Variants in VRK2 observed in about 807,000 individuals in gnomAD.
The protein encoded by VRK2 is serine/threonine-protein kinase VRK2.
A neutral mutation model predicts 57.6 loss-of-function variants in VRK2; 60 were observed. The ratio of observed to expected loss-of-function variants is 1.04; its 90% CI spans 0.85 to 1.29. The LOEUF is 1.29. Among genes scored for constraint, VRK2 ranks in the 50% most tolerant of loss-of-function variants. VRK2 has a pLI of 0.00. For synonymous variants in VRK2, 231 were observed against 199.2 expected (o/e 1.16, Z -1.35); for missense variants, 705 against 588.1 (o/e 1.20, Z -2.06).
chr2:57,955,700 T>G (rs1343028671), intron 1 of VRK2, among the ~76,000 whole-genome samples: 1 of 152,152 alleles, frequency 6.6e-6, no homozygotes, highest in East Asian at 1.9e-4. Flanking sequence ...ACCACACACA[T>G]TTACCTACAG....
At chr2:58,068,820 A>T (rs1158459807) in intron 2 of VRK2, among the ~76,000 whole-genome samples, 1 of 151,172 alleles carries the variant, frequency 6.6e-6, no homozygotes, top group Non-Finnish European at 1.5e-5. Context: ...GGAAAAAAAA[A>T]AAAAAAAAAC....
chr2:57,947,953 G>T (rs899923194), intron 1 of VRK2, among the ~76,000 whole-genome samples: 8 of 151,974 alleles, frequency 5.3e-5, no homozygotes, highest in Non-Finnish European at 8.8e-5. Context: ...AATAAGCATT[G>T]CTGAGCCTCT....
At chr2:57,913,395 C>T (rs1034056396) in intron 1 of VRK2, among the ~76,000 whole-genome samples, 1 of 152,110 alleles carries the variant, frequency 6.6e-6, no homozygotes, top group Non-Finnish European at 1.5e-5. Flanking sequence ...AAGTAGTTTT[C>T]CAAATATTTC....
At chr2:57,946,050 T>C (rs1002283857) in intron 1 of VRK2, among the ~76,000 whole-genome samples, 1 of 152,252 alleles carries the variant, frequency 6.6e-6, no homozygotes. Context: ...GCGAGTATTA[T>C]CTATATATTT....
intron 5 of VRK2, 121 bp downstream of exon 5, chr2:58,086,547 T>C: frequency 1.3e-6 from 1 of 774,534 alleles, no homozygotes. Flanking sequence ...CAAACTTGTA[T>C]TGTCTTAGTT....
At chr2:57,947,893 G>C (rs936571477) in intron 1 of VRK2, among the ~76,000 whole-genome samples, 5 of 151,940 alleles carry the variant, frequency 3.3e-5, no homozygotes, top group African/African-American at 1.2e-4. Flanking sequence ...TCTCTTCAGC[G>C]ATTTCTCCAC....
chr2:58,062,231 C>T (rs558884988), intron 2 of VRK2, among the ~76,000 whole-genome samples: 23 of 152,076 alleles, frequency 1.5e-4, no homozygotes, highest in East Asian at 7.7e-4. Flanking sequence ...CCATACAAGA[C>T]GGTGAATTTA....
chr2:58,042,188 A>C (rs1289145265), upstream of VRK2, among the ~76,000 whole-genome samples: 1 of 152,162 alleles, frequency 6.6e-6, no homozygotes, highest in Non-Finnish European at 1.5e-5. Flanking sequence ...TAATATTCTA[A>C]TTCTTCATTT....
At chr2:58,100,815 A>G (rs1019254586) in intron 7 of VRK2, among the ~76,000 whole-genome samples, 2 of 151,772 alleles carry the variant, frequency 1.3e-5, no homozygotes, top group Admixed American at 1.3e-4. Flanking sequence ...AATAAACTCT[A>G]TGCTAAATTT....
chr2:57,952,717 G>GTTATCT (rs961479126), intron 1 of VRK2, among the ~76,000 whole-genome samples: 12 of 149,030 alleles, frequency 8.1e-5, no homozygotes, highest in African/African-American at 3.0e-4. Context: ...GAGAGCAGGT[G>GTTATCT]TTATCTTTAC....
intron 2 of VRK2, among the ~76,000 whole-genome samples, chr2:58,052,588 G>A (rs768245195): frequency 3.5e-5 from 5 of 144,774 alleles, no homozygotes; most frequent in Non-Finnish European, 7.5e-5. Context: ...AGGTGACGGA[G>A]TGAGACTGTC....
intron 7 of VRK2, among the ~76,000 whole-genome samples, chr2:58,102,084 G>C (rs752463173): frequency 6.6e-6 from 1 of 151,518 alleles, no homozygotes; most frequent in African/African-American, 2.4e-5. Context: ...TACCCAATGT[G>C]TCAAAAGATC....
chr2:58,136,422 T>C (rs1680020172), intron 10 of VRK2, among the ~76,000 whole-genome samples: 1 of 151,564 alleles, frequency 6.6e-6, no homozygotes, highest in African/African-American at 2.4e-5. Flanking sequence ...TCTCGCTCTG[T>C]CACCCAGGCT....
At chr2:58,004,442 C>G (rs895441793) in intron 1 of VRK2, among the ~76,000 whole-genome samples, 1 of 152,150 alleles carries the variant, frequency 6.6e-6, no homozygotes, top group Admixed American at 6.5e-5. Flanking sequence ...TGGCAATTGA[C>G]TGTTTTCTAA....
At chr2:58,027,943 A>G (rs1375305247) in intron 2 of VRK2, among the ~76,000 whole-genome samples, 1 of 152,200 alleles carries the variant, frequency 6.6e-6, no homozygotes, top group African/African-American at 2.4e-5. Context: ...ATAGTTTTAG[A>G]AAAATGTGAC....
chr2:58,157,923 G>C (rs1160674049), intron 12 of VRK2, among the ~76,000 whole-genome samples: 2 of 152,186 alleles, frequency 1.3e-5, no homozygotes, highest in African/African-American at 4.8e-5. Flanking sequence ...AACTAGCCAA[G>C]CCAAATTTTG....
intron 3 of VRK2, among the ~76,000 whole-genome samples, chr2:58,039,006 T>A (rs1308682717): frequency 6.6e-6 from 1 of 152,128 alleles, no homozygotes; most frequent in African/African-American, 2.4e-5. Context: ...TTAGAAGACA[T>A]GTACAACTGG....
intron 2 of VRK2, among the ~76,000 whole-genome samples, chr2:58,082,554 G>T (rs779197790): frequency 1.3e-5 from 2 of 151,754 alleles, no homozygotes; most frequent in African/African-American, 2.4e-5. Context: ...TCATAGGGTG[G>T]GAACAAAGGT....
At chr2:58,098,345 A>G (rs1673463023) in intron 7 of VRK2, among the ~76,000 whole-genome samples, 2 of 152,120 alleles carry the variant, frequency 1.3e-5, no homozygotes, top group Non-Finnish European at 2.9e-5. Flanking sequence ...CTACGTGTAC[A>G]GTGTTTTATA....
Sources: allele counts gnomAD v4.1 joint callset (sites outside exome capture counted in the v4.1 genomes callset), GRCh38; gene constraint gnomAD v4.1.1; transcripts MANE v1.5; gene names NCBI Gene and HGNC (gene_info 2026-07-23, HGNC 2026-07-21).